The following PIK3C2G variants were observed in gnomAD, a reference collection of about 807,000 sequenced individuals.
PIK3C2G encodes phosphatidylinositol-4-phosphate 3-kinase catalytic subunit type 2 gamma, also known as phosphatidylinositol 3-kinase C2 domain-containing subunit gamma.
Under a neutral mutation model 181.1 loss-of-function variants are expected in PIK3C2G, and 168 were observed. The observed-to-expected ratio is 0.93, with a 90% CI of 0.82 to 1.05. The LOEUF (loss-of-function observed/expected upper bound fraction) is 1.05, where lower values mean the gene tolerates loss of function less well. Among genes scored for constraint, PIK3C2G ranks in the 50% least tolerant of loss-of-function variants. The pLI is 0.00. For missense variants in PIK3C2G, 1,869 were observed against 1,732.8 expected (o/e 1.08, Z -1.40); for synonymous variants, 573 against 592.2 (o/e 0.97, Z 0.47).
chr12:18,713,452 TG>T, the PIK3C2G span, among the ~76,000 whole-genome samples: 14 of 152,266 alleles, frequency 9.2e-5, 1 homozygote, highest in African/African-American at 3.1e-4. Flanking sequence ...TGTCAGGCTT[TG>T]GGGAATGGGG....
At chr12:18,586,862 A>G (rs1946808631) in intron 29 of PIK3C2G, among the ~76,000 whole-genome samples, 1 of 152,122 alleles carries the variant, frequency 6.6e-6, no homozygotes, top group African/African-American at 2.4e-5. Flanking sequence ...ATTCACCACA[A>G]TGAAGTAGGC....
At chr12:18,582,825 G>A (rs910580318) in intron 29 of PIK3C2G, among the ~76,000 whole-genome samples, 3 of 151,782 alleles carry the variant, frequency 2.0e-5, no homozygotes, top group Non-Finnish European at 2.9e-5. Flanking sequence ...TTTTATGTGG[G>A]ACCCTGACCC....
chr12:18,347,429 TGATAA>T (rs796251284), intron 11 of PIK3C2G, among the ~76,000 whole-genome samples: 13 of 152,320 alleles, frequency 8.5e-5, no homozygotes, highest in African/African-American at 3.1e-4. Flanking sequence ...TAATTAAAGT[TGATAA>T]GATAGTAATT....
At chr12:18,602,455 T>G (rs1028626029) in intron 30 of PIK3C2G, among the ~76,000 whole-genome samples, 1 of 144,972 alleles carries the variant, frequency 6.9e-6, no homozygotes, top group African/African-American at 2.6e-5. Context: ...ACCCTGGTAG[T>G]GGGTGACAAA....
intron 24 of PIK3C2G, among the ~76,000 whole-genome samples, chr12:18,523,375 G>A (rs1488212554): frequency 1.3e-5 from 2 of 152,158 alleles, no homozygotes; most frequent in Admixed American, 6.5e-5. Flanking sequence ...CATTGTTTGT[G>A]TTTTTTGATG....
At chr12:18,463,798 C>T (rs1258473003) in intron 18 of PIK3C2G, among the ~76,000 whole-genome samples, 1 of 152,120 alleles carries the variant, frequency 6.6e-6, no homozygotes, top group Admixed American at 6.6e-5. Context: ...GAAGAGCCTC[C>T]AAATCCCTCC....
the PIK3C2G span, among the ~76,000 whole-genome samples, chr12:18,711,693 G>A: frequency 6.6e-6 from 1 of 151,930 alleles, no homozygotes; most frequent in Non-Finnish European, 1.5e-5. Context: ...GAAGATCGTG[G>A]CGAGAGCAGG....
chr12:18,445,638 T>A (rs1036877835), intron 18 of PIK3C2G, among the ~76,000 whole-genome samples: 5 of 152,130 alleles, frequency 3.3e-5, no homozygotes, highest in African/African-American at 9.7e-5. Context: ...ATGATAATAT[T>A]CATGGTAGTT....
At chr12:18,627,013 G>A (rs1565577065) in intron 31 of PIK3C2G, among the ~76,000 whole-genome samples, 1 of 151,554 alleles carries the variant, frequency 6.6e-6, no homozygotes, top group Non-Finnish European at 1.5e-5. Flanking sequence ...TTTTACTCAT[G>A]GCTTGGGTCT....
intron 16 of PIK3C2G, among the ~76,000 whole-genome samples, chr12:18,405,397 G>GTGGTGGTGGTGT (rs113689341): frequency 2.9e-5 from 4 of 139,786 alleles, no homozygotes; most frequent in African/African-American, 5.8e-5. Context: ...AGCAACATTT[G>GTGGTGGTGGTGT]TGTTGTTGTT....
intron 29 of PIK3C2G, among the ~76,000 whole-genome samples, chr12:18,568,525 A>G (rs1225302880): frequency 2.6e-5 from 4 of 152,050 alleles, no homozygotes; most frequent in Admixed American, 6.6e-5. Flanking sequence ...CAGGCCGGAG[A>G]CCAGAGGAGA....
chr12:18,434,344 G>A (rs5004976), intron 18 of PIK3C2G, among the ~76,000 whole-genome samples: 22,186 of 152,010 alleles, frequency 0.15, 2,027 homozygotes, highest in South Asian at 0.36. Context: ...ATTTTTAAAG[G>A]GAACACATTG....
intron 3 of PIK3C2G, 78 bp from the exon 4 acceptor site, chr12:18,290,777 T>G: frequency 1.1e-6 from 1 of 897,232 alleles, no homozygotes; most frequent in Non-Finnish European, 1.7e-6. Context: ...TTTCTTAAAA[T>G]TACATTGTGG....
At chr12:18,491,648 G>T in intron 20 of PIK3C2G, 90 bp downstream of exon 20, 1 of 698,338 alleles carries the variant, frequency 1.4e-6, no homozygotes, top group Admixed American at 2.5e-5. Context: ...AAAAGAATTC[G>T]TAAGTTGACA....
At chr12:18,705,299 A>G in the PIK3C2G span, 2 of 1,614,124 alleles carry the variant, frequency 1.2e-6, no homozygotes, top group Non-Finnish European at 1.7e-6. Context: ...AGAGAGCACC[A>G]CTGGGTAGTC....
intron 15 of PIK3C2G, among the ~76,000 whole-genome samples, chr12:18,399,441 T>C (rs960228074): frequency 6.6e-6 from 1 of 151,672 alleles, no homozygotes; most frequent in Admixed American, 6.6e-5. Context: ...GAATTGATGT[T>C]ATTTTTTTCA....
chr12:18,604,460 C>G (rs1196956505), intron 30 of PIK3C2G, among the ~76,000 whole-genome samples: 1 of 152,148 alleles, frequency 6.6e-6, no homozygotes, highest in African/African-American at 2.4e-5. Flanking sequence ...GACTTCAATA[C>G]TCTGCTGACA....
chr12:18,532,977 A>G (rs1260564636), intron 24 of PIK3C2G, among the ~76,000 whole-genome samples: 4 of 148,006 alleles, frequency 2.7e-5, no homozygotes, highest in Non-Finnish European at 4.4e-5. Context: ...TTTCATGCCT[A>G]GAATATATGA....
At chr12:18,397,824 C>G (rs1462730921) in intron 15 of PIK3C2G, among the ~76,000 whole-genome samples, 1 of 151,968 alleles carries the variant, frequency 6.6e-6, no homozygotes, top group Non-Finnish European at 1.5e-5. Context: ...CACAAATGAT[C>G]ACAGCACCTT....
Sources: allele counts gnomAD v4.1 joint callset (sites outside exome capture counted in the v4.1 genomes callset), GRCh38; gene constraint gnomAD v4.1.1; transcripts MANE v1.5; gene names NCBI Gene and HGNC (gene_info 2026-07-23, HGNC 2026-07-21).